Variants in EYA4 observed in about 807,000 individuals in gnomAD.
EYA4 encodes the protein protein phosphatase EYA4.
A neutral mutation model predicts 87.9 loss-of-function variants in EYA4; 31 were observed. The ratio of observed to expected loss-of-function variants is 0.35; its 90% CI spans 0.27 to 0.48. EYA4 has a LOEUF of 0.48. Ranked by LOEUF, EYA4 falls within the 20% of genes least tolerant of loss-of-function variation. The pLI, the probability that EYA4 is intolerant of heterozygous loss-of-function variation, is 0.99. For synonymous variants in EYA4, 263 were observed against 270.6 expected, an observed-to-expected ratio of 0.97 and a Z score of 0.28; for missense variants, 678 against 761.4, an observed-to-expected ratio of 0.89 and a Z score of 1.29.
rs984159791 is a variant in EYA4, at chr6:133,529,801, C to G, written c.*996C>G. The G allele has an allele frequency of 3.1e-6, 3 of 983,508 alleles. No individual in the cohort carries two copies. The highest frequency in any genetic ancestry group is 2.4e-6 in the Non-Finnish European group (2 of 828,322). The allele number at this position is 983,508 out of a possible 1,614,324, so 60.9% of individuals were successfully genotyped here. On this transcript the variant is annotated 3_prime_UTR_variant, in exon 20 of 20. Transcript: ENST00000355286. ...GAAATGTATGTAGAAGTCTCAAGTA[C>G]CCCTTCTACAGTTTTACTGGAGAAA...
chr6:133,304,299 G>A (rs1779641922), intron 2 of EYA4, among the ~76,000 whole-genome samples: 1 of 152,068 alleles, frequency 6.6e-6, no homozygotes, highest in African/African-American at 2.4e-5. Context: ...AATAAAATGT[G>A]GCAGGTGCAA....
intron 2 of EYA4, among the ~76,000 whole-genome samples, chr6:133,347,061 A>G (rs1017802708): frequency 1.6e-4 from 24 of 152,228 alleles, no homozygotes; most frequent in Admixed American, 1.4e-3. Context: ...TCAAAAAAGA[A>G]CATGGCAATT....
intron 2 of EYA4, among the ~76,000 whole-genome samples, chr6:133,326,930 C>T (rs1182042322): frequency 6.6e-6 from 1 of 152,162 alleles, no homozygotes; most frequent in African/African-American, 2.4e-5. Flanking sequence ...TTGCCACCTT[C>T]CATCCCTCCT....
In EYA4 at chr6:133,375,887, C is replaced by T. The variant is rs140654556; in HGVS notation, c.34-6505C>T. ...GCCAAAGGTAACTAAAGTTAGATAC[C>T]ATTCTGCTTAATCAGGCAATAATTT... On this transcript the variant is annotated intron_variant, in intron 2 of 19. Coordinates refer to ENST00000355286, the MANE Select transcript of EYA4 (RefSeq NM_004100.5). 1.9e-3 allele frequency among the ~76,000 whole-genome samples: 288 copies of T among 151,880 alleles called. 1 individual carries two copies. Among genetic ancestry groups the T allele is most frequent in the African/African-American group, 6.5e-3 (271 of 41,500 alleles).
At chr6:133,320,754 C>A (rs898078095) in intron 2 of EYA4, among the ~76,000 whole-genome samples, 1 of 152,012 alleles carries the variant, frequency 6.6e-6, no homozygotes, top group African/African-American at 2.4e-5. Context: ...TGTTTAGGTC[C>A]CACGTAAAAG....
intron 2 of EYA4, among the ~76,000 whole-genome samples, chr6:133,300,167 A>G (rs977420982): frequency 6.6e-6 from 1 of 152,108 alleles, no homozygotes; most frequent in African/African-American, 2.4e-5. Context: ...AAAATGTATT[A>G]TTGTAAAGGT....
Position 133,515,474 on chromosome 6 carries a change from A to C in EYA4, c.1616+39A>C, listed in dbSNP as rs764623752. ...TTACCTTTCTATGTGTATCGTATTG[A>C]AGATTTAGTTCTAATTGTACAACAT... On this transcript the variant is annotated intron_variant, in intron 17 of 19. Transcript: ENST00000355286. 6 of 1,143,828 alleles carry C rather than the reference A, an allele frequency of 5.2e-6. No homozygotes were observed. The South Asian group carries it at 7.3e-5, about 14-fold the overall frequency. The allele number at this position is 1,143,828 out of a possible 1,614,324, so 70.9% of individuals were successfully genotyped here.
intron 2 of EYA4, among the ~76,000 whole-genome samples, chr6:133,342,893 T>G (rs1376968371): frequency 6.6e-6 from 1 of 152,166 alleles, no homozygotes; most frequent in African/African-American, 2.4e-5. Context: ...TATTTACTAA[T>G]AGTTCTGCAT....
At chr6:133,512,820 C>T (rs774071630) in intron 15 of EYA4, 41 bp downstream of exon 15, 98 of 1,611,500 alleles carry the variant, frequency 6.1e-5, no homozygotes, top group Non-Finnish European at 6.6e-5. Flanking sequence ...TACAGAAATT[C>T]GGCTGTGGAG....
intron 2 of EYA4, among the ~76,000 whole-genome samples, chr6:133,372,987 A>C (rs952731471): frequency 2.0e-5 from 3 of 152,064 alleles, no homozygotes; most frequent in African/African-American, 7.2e-5. Flanking sequence ...ATACGCACAC[A>C]GATAAACTTT....
At chr6:133,405,301 C>T (rs1215657166) in intron 3 of EYA4, among the ~76,000 whole-genome samples, 1 of 152,194 alleles carries the variant, frequency 6.6e-6, no homozygotes. Flanking sequence ...AATGGACTGA[C>T]ATCTTGTGGC....
chr6:133,445,512 A>T (rs1792728906), intron 3 of EYA4, among the ~76,000 whole-genome samples: 1 of 149,156 alleles, frequency 6.7e-6, no homozygotes, highest in Admixed American at 6.7e-5. Flanking sequence ...TCTTTCTTCC[A>T]TGAAAGCATG....
chr6:133,323,159 T>C (rs1781229656), intron 2 of EYA4, among the ~76,000 whole-genome samples: 1 of 152,004 alleles, frequency 6.6e-6, no homozygotes, highest in African/African-American at 2.4e-5. Flanking sequence ...TTTTTATTCG[T>C]TAGCATATTT....
chr6:133,413,889 G>C (rs1022344953), intron 3 of EYA4, among the ~76,000 whole-genome samples: 30 of 151,988 alleles, frequency 2.0e-4, no homozygotes, highest in African/African-American at 6.8e-4. Flanking sequence ...TCTTATCTTG[G>C]TGCATCGTGC....
intron 17 of EYA4, among the ~76,000 whole-genome samples, chr6:133,519,064 C>G (rs948346320): frequency 6.6e-6 from 1 of 151,632 alleles, no homozygotes; most frequent in East Asian, 1.9e-4. Flanking sequence ...AAAATTGACA[C>G]CCTAACATCG....
intron 3 of EYA4, among the ~76,000 whole-genome samples, chr6:133,394,304 T>A (rs1002339532): frequency 6.3e-5 from 9 of 143,104 alleles, no homozygotes; most frequent in African/African-American, 1.9e-4. Flanking sequence ...TTTTTTTTTT[T>A]TTTTTTTTTT....
rs1562527095 is a variant in EYA4, at chr6:133,530,746, A to T, written c.*1941A>T. 1 of 985,992 alleles carries T rather than the reference A, an allele frequency of 1.0e-6. No homozygotes were observed. The highest frequency in any genetic ancestry group is 1.1e-4 in the East Asian group (1 of 8,838). The allele number at this position is 985,992 out of a possible 1,614,324, so 61.1% of individuals were successfully genotyped here. A position where few individuals can be genotyped will look rare whatever the true frequency, so the allele number is the denominator to read the frequency against. The stretch of plus-strand genomic sequence containing the variant: ...TACAAGATTGTGATTTCATTATCTA[A>T]ACCTTAAACTTAATCCTTTAAATTT... On this transcript the variant is annotated 3_prime_UTR_variant, in exon 20 of 20. Transcript: ENST00000355286.
rs1389908642 is a variant in EYA4 at position 133,268,893 on chromosome 6, C to T, written c.-65-5823C>T. Among the ~76,000 whole-genome samples, 5 of 152,126 alleles carry T rather than the reference C, an allele frequency of 3.3e-5. No homozygotes were observed. The East Asian group carries it at 5.8e-4, about 18-fold the overall frequency. ...CATCACGGTTTCTTAGCCTCCACACCCCATGCTGTCCCAACACAAAAACAC... is the reference window on the plus strand; with the variant it reads ...CATCACGGTTTCTTAGCCTCCACACTCCATGCTGTCCCAACACAAAAACAC... On this transcript the variant is annotated intron_variant, in intron 1 of 19. Coordinates refer to ENST00000355286, the MANE Select transcript of EYA4 (RefSeq NM_004100.5).
At chr6:133,439,049 C>CAAAAAAAAAAAAAAAAAAAAAAAAAAA (rs56261819) in intron 3 of EYA4, among the ~76,000 whole-genome samples, 12 of 64,032 alleles carry the variant, frequency 1.9e-4, no homozygotes, top group East Asian at 5.8e-4. Context: ...GACTCCGTCT[C>CAAAAAAAAAAAAAAAAAAAAAAAAAAA]AAAAAAAAAA....
Sources: gnomAD v4.1 joint callset for allele counts (sites outside exome capture counted in the v4.1 genomes callset) on GRCh38, gnomAD v4.1.1 for gene constraint, MANE v1.5 for transcripts, NCBI Gene and HGNC (gene_info 2026-07-23, HGNC 2026-07-21) for gene names.